GABRA3: variants seen among roughly 807,000 people sequenced by gnomAD.
The protein encoded by GABRA3 is gamma-aminobutyric acid type A receptor subunit alpha3, also known as gamma-aminobutyric acid receptor subunit alpha-3.
Under a neutral mutation model 30.1 loss-of-function variants are expected in GABRA3, and 10 were observed. The ratio of observed to expected loss-of-function variants is 0.33; its 90% CI spans 0.20 to 0.56. The LOEUF (loss-of-function observed/expected upper bound fraction) is 0.56. Among genes scored for constraint, GABRA3 ranks in the 20% least tolerant of loss-of-function variants. The probability of loss-of-function intolerance (pLI) is 0.89; values close to 1 mark genes in which losing one functional copy is unlikely to be tolerated. For missense variants in GABRA3, 233 were observed against 392.0 expected, an observed-to-expected ratio of 0.59 and a Z score of 3.42; for synonymous variants, 151 against 146.8, an observed-to-expected ratio of 1.03 and a Z score of -0.21.
Position 152,364,443 on chromosome X carries a change from T to C in GABRA3, c.128A>G (p.Gln43Arg), listed in dbSNP as rs999973939. 8.3e-7 allele frequency: 1 copy of C among 1,209,852 alleles called. No homozygotes were observed. Among genetic ancestry groups the C allele is most frequent in the Non-Finnish European group, 1.1e-6 (1 of 894,433 alleles). ...TAGGGGTTCTTACCCGCCAATGTCC[T>C]GCTTCACAAAGTCCCCGGGTTCTTG... ...RRQEPGDFVK[Q>R]DIGGLSPKHA... Residue 43 changes from glutamine to arginine, a missense_variant, in exon 2 of 10, where the codon CAG (glutamine) becomes CGG (arginine). This residue lies in a region of GABRA3 where 69 missense variants were observed against 79.4 expected (regional missense o/e 0.87). Coordinates refer to ENST00000370314, the MANE Select transcript of GABRA3 (RefSeq NM_000808.4).
chrX:152,225,842 A>G (rs1937941297), intron 5 of GABRA3, among the ~76,000 whole-genome samples: 1 of 110,178 alleles, frequency 9.1e-6, no homozygotes, highest in Non-Finnish European at 1.9e-5. Flanking sequence ...TATTGGACTC[A>G]ACCTCTGCCA....
At chrX:152,295,503 C>G (rs1402378394) in intron 3 of GABRA3, among the ~76,000 whole-genome samples, 2 of 113,178 alleles carry the variant, frequency 1.8e-5, no homozygotes, top group African/African-American at 6.4e-5. Flanking sequence ...TCTGCTGAGC[C>G]AGGCATGGGA....
chrX:152,277,197 G>C (rs1239909846), intron 4 of GABRA3, among the ~76,000 whole-genome samples: 1 of 110,650 alleles, frequency 9.0e-6, no homozygotes, highest in Non-Finnish European at 1.9e-5. Context: ...GAGAAAACAG[G>C]TACAATAATT....
intron 5 of GABRA3, among the ~76,000 whole-genome samples, chrX:152,236,066 C>A (rs1474149907): frequency 1.1e-5 from 1 of 91,670 alleles, no homozygotes; most frequent in Non-Finnish European, 2.1e-5. Flanking sequence ...CATATGTATA[C>A]ATGTGCCATG....
intron 3 of GABRA3, among the ~76,000 whole-genome samples, chrX:152,288,785 T>A (rs909822164): frequency 2.7e-5 from 3 of 112,478 alleles, no homozygotes; most frequent in Non-Finnish European, 5.6e-5. Context: ...TATGAAATTT[T>A]AATTAGTAGA....
At chrX:152,199,138 G>T (rs187371439) in intron 7 of GABRA3, among the ~76,000 whole-genome samples, 2 of 110,880 alleles carry the variant, frequency 1.8e-5, no homozygotes, top group East Asian at 5.7e-4. Context: ...AGGCCAAGGC[G>T]GGCAGATTAC....
intron 9 of GABRA3, among the ~76,000 whole-genome samples, chrX:152,182,461 T>C (rs1469355943): frequency 4.5e-5 from 4 of 89,430 alleles, no homozygotes; most frequent in Non-Finnish European, 6.5e-5. Flanking sequence ...ATATAGTGTA[T>C]ATATGTACAC....
intron 1 of GABRA3, among the ~76,000 whole-genome samples, chrX:152,381,624 G>A (rs1929145614): frequency 9.0e-6 from 1 of 110,631 alleles, no homozygotes; most frequent in Non-Finnish European, 1.9e-5. Context: ...TGTTACATAG[G>A]TGCCATGGTG....
intron 7 of GABRA3, among the ~76,000 whole-genome samples, chrX:152,203,667 C>T (rs1035678645): frequency 2.7e-5 from 3 of 111,528 alleles, no homozygotes; most frequent in African/African-American, 6.5e-5. Flanking sequence ...TAGGTTTTCT[C>T]GCCTTTTTGG....
intron 6 of GABRA3, among the ~76,000 whole-genome samples, chrX:152,213,358 A>G (rs993354748): frequency 7.1e-5 from 8 of 111,893 alleles, no homozygotes; most frequent in Admixed American, 3.8e-4. Flanking sequence ...CAGTCTAGTG[A>G]GAAAAGACTG....
At chrX:152,212,050 A>G (rs1054548113) in intron 6 of GABRA3, among the ~76,000 whole-genome samples, 4 of 108,881 alleles carry the variant, frequency 3.7e-5, no homozygotes, top group Non-Finnish European at 3.8e-5. Flanking sequence ...TGGAAGGCCA[A>G]TGCAGGAGGA....
At chrX:152,221,564 A>AT (rs1338206929) in intron 6 of GABRA3, among the ~76,000 whole-genome samples, 1 of 110,941 alleles carries the variant, frequency 9.0e-6, no homozygotes, top group Non-Finnish European at 1.9e-5. Context: ...GCATTTTTTC[A>AT]TTCTATTTAT....
At chrX:152,330,814 A>T (rs1162751490) in intron 3 of GABRA3, among the ~76,000 whole-genome samples, 1 of 111,186 alleles carries the variant, frequency 9.0e-6, no homozygotes, top group Non-Finnish European at 1.9e-5. Context: ...AAACCTGCCC[A>T]TTGTCCACAT....
In GABRA3 at chrX:152,198,817, A is replaced by G. The variant is rs187208977; in HGVS notation, c.779-1032T>C. On this transcript the variant is annotated intron_variant, in intron 7 of 9. Coordinates refer to ENST00000370314, the MANE Select transcript of GABRA3 (RefSeq NM_000808.4). Reference sequence around the variant, plus strand: ...TACCTTAAACTCTAATAACTCCCCAATGTATAACTTCTACCTGGGCTTCCT... The same window carrying G: ...TACCTTAAACTCTAATAACTCCCCAGTGTATAACTTCTACCTGGGCTTCCT... Among the ~76,000 whole-genome samples the G allele has an allele frequency of 4.1e-3, 464 of 112,153 alleles. 3 individuals are homozygous for G. The South Asian group carries it at 0.043, about 11-fold the overall frequency.
At chrX:152,223,546 T>C (rs1937881864) in intron 6 of GABRA3, among the ~76,000 whole-genome samples, 1 of 110,387 alleles carries the variant, frequency 9.1e-6, no homozygotes, top group African/African-American at 3.3e-5. Flanking sequence ...TCTCCTGCTC[T>C]CCCCTTCCTC....
At chrX:152,390,168 A>G (rs969044333) in intron 1 of GABRA3, among the ~76,000 whole-genome samples, 4 of 111,904 alleles carry the variant, frequency 3.6e-5, no homozygotes, top group Non-Finnish European at 1.9e-5. Context: ...GTCCTCCCAT[A>G]GCTCAGAGTA....
chrX:152,324,859 G>T (rs1012042803), intron 3 of GABRA3, among the ~76,000 whole-genome samples: 16 of 111,704 alleles, frequency 1.4e-4, no homozygotes, highest in African/African-American at 4.5e-4. Context: ...GAGGAGATTG[G>T]CTGGTCAATG....
intron 4 of GABRA3, among the ~76,000 whole-genome samples, chrX:152,282,394 T>C (rs1268877967): frequency 2.7e-5 from 3 of 111,063 alleles, no homozygotes; most frequent in Admixed American, 9.6e-5. Context: ...CTGGGATCAA[T>C]TGAACAGTCT....
At chrX:152,350,057 T>C (rs1478791547) in intron 2 of GABRA3, among the ~76,000 whole-genome samples, 1 of 89,531 alleles carries the variant, frequency 1.1e-5, no homozygotes, top group African/African-American at 4.4e-5. Flanking sequence ...TAGTTGGAAG[T>C]AAAGCTCTCC....
Sources: gnomAD v4.1 joint callset for allele counts (sites outside exome capture counted in the v4.1 genomes callset) on GRCh38, gnomAD v4.1.1 for gene constraint, gnomAD v4.1.1 regional missense constraint, MANE v1.5 for transcripts, NCBI Gene and HGNC (gene_info 2026-07-23, HGNC 2026-07-21) for gene names.